Variants in PSME4 observed in about 807,000 individuals in gnomAD.
PSME4 encodes proteasome activator complex subunit 4.
PSME4 carries 89 observed loss-of-function variants against 253.9 expected under a neutral mutation model. That is an observed-to-expected ratio of 0.35 (90% CI 0.30 to 0.42). The LOEUF is 0.42. Ranked by LOEUF, PSME4 falls within the 10% of genes least tolerant of loss-of-function variation. The pLI is 1.00. For synonymous variants in PSME4, 851 were observed against 759.2 expected, an observed-to-expected ratio of 1.12 and a Z score of -1.99; for missense variants, 2,014 against 2,195.2, an observed-to-expected ratio of 0.92 and a Z score of 1.65.
chr2:53,909,046 T>C (rs1418244482), intron 21 of PSME4, among the ~76,000 whole-genome samples: 1 of 151,976 alleles, frequency 6.6e-6, no homozygotes, highest in Non-Finnish European at 1.5e-5. Context: ...GAGATGTCTA[T>C]CATGCTTCAA....
chr2:53,940,543 ATTATAACT>A (rs1436957518), intron 3 of PSME4, among the ~76,000 whole-genome samples: 1 of 152,160 alleles, frequency 6.6e-6, no homozygotes, highest in African/African-American at 2.4e-5. Flanking sequence ...AACATTAAAA[ATTATAACT>A]TACTTTACAA....
At chr2:53,967,740 A>G (rs2104495052) in intron 1 of PSME4, among the ~76,000 whole-genome samples, 1 of 150,596 alleles carries the variant, frequency 6.6e-6, no homozygotes, top group African/African-American at 2.4e-5. Context: ...TTGGTCCCAA[A>G]CACACCTCTG....
intron 44 of PSME4, among the ~76,000 whole-genome samples, chr2:53,868,230 G>C (rs1678666791): frequency 6.6e-6 from 1 of 151,604 alleles, no homozygotes; most frequent in African/African-American, 2.4e-5. Context: ...GCCCAGGTGG[G>C]TGGATCACTT....
Position 53,919,335 on chromosome 2 carries a change from G to A in PSME4, c.2421-89C>T, listed in dbSNP as rs138334716. On this transcript the variant is annotated intron_variant, in intron 19 of 46. Coordinates refer to ENST00000404125, the MANE Select transcript of PSME4 (RefSeq NM_014614.3). ...TAGCACAGAAGTTTTCTCACGTGGG[G>A]ATATAAATGATTAAGGTAAAGAAAT... 10 of 1,411,244 alleles carry A rather than the reference G, an allele frequency of 7.1e-6. No individual in the cohort carries two copies. In the East Asian group the frequency reaches 2.4e-4, roughly 34 times the overall value. 87.4% of individuals were successfully genotyped at this position (1,411,244 alleles called of 1,614,324 possible).
chr2:53,868,495 A>G (rs1327950336), intron 44 of PSME4, among the ~76,000 whole-genome samples: 5 of 38,136 alleles, frequency 1.3e-4, no homozygotes, highest in Non-Finnish European at 2.5e-4. Context: ...ATATATATAT[A>G]TGATATATAT....
intron 34 of PSME4, among the ~76,000 whole-genome samples, chr2:53,894,535 G>A (rs1680053638): frequency 6.6e-6 from 1 of 152,226 alleles, no homozygotes; most frequent in African/African-American, 2.4e-5. Context: ...GACTTCCAAA[G>A]TGTTGGGATT....
At position 53,887,616 on chromosome 2, in the gene PSME4, T is replaced by C. The variant is rs563849859; in HGVS notation, c.4521-149A>G. On this transcript the variant is annotated intron_variant, in intron 39 of 46. Transcript: ENST00000404125. Reference sequence around the variant, plus strand: ...ATGCCTGTGTGTAAAAGAAGCCTTATAATTAAGGGGTATTAACACTTAGGT... The same window carrying C: ...ATGCCTGTGTGTAAAAGAAGCCTTACAATTAAGGGGTATTAACACTTAGGT... 9 of 887,124 alleles carry C rather than the reference T, an allele frequency of 1.0e-5. No individual in the cohort carries two copies. In the African/African-American group the frequency reaches 1.2e-4, roughly 12 times the overall value. 55.0% of individuals were successfully genotyped at this position (887,124 alleles called of 1,614,324 possible).
At chr2:53,879,939 A>G (rs1679303429) in intron 41 of PSME4, among the ~76,000 whole-genome samples, 1 of 152,202 alleles carries the variant, frequency 6.6e-6, no homozygotes, top group Non-Finnish European at 1.5e-5. Flanking sequence ...ATTCAATTCC[A>G]GTAGGAATTG....
At chr2:53,932,901 G>A in intron 8 of PSME4, 141 bp from the exon 9 acceptor site, 1 of 623,806 alleles carries the variant, frequency 1.6e-6, no homozygotes, top group Non-Finnish European at 2.8e-6. Context: ...CTTTAAATAA[G>A]AGTCAAAAAC....
Position 53,920,335 on chromosome 2 carries a change from C to T in PSME4, c.2278G>A (p.Gly760Arg), listed in dbSNP as rs763026052. 1 of 1,612,052 alleles carries T rather than the reference C, an allele frequency of 6.2e-7. No individual in the cohort carries two copies. Among genetic ancestry groups the T allele is most frequent in the African/African-American group, 1.3e-5 (1 of 74,852 alleles). Residue 760 changes from glycine (G) to arginine (R), a missense_variant, in exon 19 of 47, where the codon GGG (glycine) becomes AGG (arginine). Around this residue, in one of 4 missense-constraint regions of PSME4, gnomAD observed 989 missense variants for 1,021.1 expected, o/e 0.97. Transcript: ENST00000404125. ...YFPIKDWGKP[G>R]DLWNLGIQWH... Reference sequence around the variant, plus strand: ...TGGATTCCCAGATTCCACAAGTCCCCGGGTTTGCCCCAGTCCTAGAAGAGA... The same window carrying T: ...TGGATTCCCAGATTCCACAAGTCCCTGGGTTTGCCCCAGTCCTAGAAGAGA...
intron 1 of PSME4, among the ~76,000 whole-genome samples, chr2:53,968,962 A>G (rs1670881436): frequency 6.6e-6 from 1 of 152,198 alleles, no homozygotes; most frequent in Non-Finnish European, 1.5e-5. Flanking sequence ...GCATATTTAT[A>G]TAATGTACAC....
intron 3 of PSME4, among the ~76,000 whole-genome samples, chr2:53,940,754 C>T (rs2104467947): frequency 6.7e-6 from 1 of 149,246 alleles, no homozygotes; most frequent in East Asian, 2.0e-4. Flanking sequence ...CAATGGAGCA[C>T]TAGATAATTT....
chr2:53,907,036 C>CTTAA (rs56347537), intron 24 of PSME4, among the ~76,000 whole-genome samples, 168 bp from the exon 25 acceptor site: 44,510 of 151,794 alleles, frequency 0.29, 6,928 homozygotes, highest in South Asian at 0.49. Context: ...AAAATGTTGT[C>CTTAA]TTAATTTTTA....
At chr2:53,896,639 T>C (rs142896943) in intron 32 of PSME4, among the ~76,000 whole-genome samples, 165 bp downstream of exon 32, 1 of 152,210 alleles carries the variant, frequency 6.6e-6, no homozygotes. Context: ...TAAATAGTTA[T>C]CACTAGCTTT....
At chr2:53,921,184 G>A in intron 17 of PSME4, 80 bp from the exon 18 acceptor site, 1 of 1,583,546 alleles carries the variant, frequency 6.3e-7, no homozygotes, top group East Asian at 2.2e-5. Context: ...TTCAATGTTT[G>A]GCCACTAACC....
intron 26 of PSME4, among the ~76,000 whole-genome samples, chr2:53,904,409 T>C (rs78887562): frequency 0.042 from 6,468 of 152,316 alleles, 159 homozygotes; most frequent in Non-Finnish European, 0.059. Flanking sequence ...GGAGACTGAA[T>C]GGAACCTATA....
chr2:53,961,879 G>T (rs949018982), intron 1 of PSME4, among the ~76,000 whole-genome samples: 5 of 152,184 alleles, frequency 3.3e-5, no homozygotes, highest in Non-Finnish European at 7.3e-5. Flanking sequence ...CCACCCTACT[G>T]TTGTGTCCGG....
chr2:53,930,967 C>A (rs1046784029), intron 10 of PSME4, among the ~76,000 whole-genome samples: 3 of 152,172 alleles, frequency 2.0e-5, no homozygotes, highest in Non-Finnish European at 4.4e-5. Context: ...GAACAAGTTA[C>A]TTTAAAAATT....
At chr2:53,949,834 A>G (rs1339173514) in intron 1 of PSME4, among the ~76,000 whole-genome samples, 1 of 152,230 alleles carries the variant, frequency 6.6e-6, no homozygotes, top group Non-Finnish European at 1.5e-5. Flanking sequence ...TGTATTGTAC[A>G]GTTAAAAATT....
Sources: allele counts gnomAD v4.1 joint callset (sites outside exome capture counted in the v4.1 genomes callset), GRCh38; gene constraint gnomAD v4.1.1; regional missense constraint gnomAD v4.1.1; transcripts MANE v1.5; gene names NCBI Gene and HGNC (gene_info 2026-07-23, HGNC 2026-07-21).